Variants in PCDHGB2 observed in about 807,000 individuals in gnomAD.
PCDHGB2 encodes the protein protocadherin gamma-B2.
In PCDHGB2, 55 loss-of-function variants were observed where a neutral mutation model predicts 59.3. The ratio of observed to expected loss-of-function variants is 0.93; its 90% CI spans 0.75 to 1.16. PCDHGB2 has a LOEUF of 1.16. PCDHGB2 is among the 50% of genes most tolerant of loss of function. The pLI, the probability that PCDHGB2 is intolerant of heterozygous loss-of-function variation, is 0.00. For synonymous variants in PCDHGB2, 516 were observed against 512.0 expected, an observed-to-expected ratio of 1.01 and a Z score of -0.11; for missense variants, 1,228 against 1,198.5, an observed-to-expected ratio of 1.02 and a Z score of -0.36.
At chr5:141,399,311 A>C in intron 1 of PCDHGB2, 1 of 1,613,970 alleles carries the variant, frequency 6.2e-7, no homozygotes, top group Non-Finnish European at 8.5e-7. Context: ...TCTTCATCCA[A>C]AAATTCGTAT....
chr5:141,476,483 G>A lies in PCDHGB2; in HGVS notation c.2422-18324G>A. On this transcript the variant is annotated intron_variant, in intron 1 of 3. Coordinates refer to ENST00000522605, the MANE Select transcript of PCDHGB2 (RefSeq NM_018923.3). The surrounding 1 kb of genome is among the most constrained non-coding windows in gnomAD (Gnocchi z 7.6). The stretch of plus-strand genomic sequence containing the variant: ...CCCGCTGGAGCTGTTCAGCGTGGAA[G>A]TGGTGATCCAGGACATCAACGACAA... The A allele has an allele frequency of 3.1e-6, 5 of 1,614,166 alleles. No individual in the cohort carries two copies. Among genetic ancestry groups the A allele is most frequent in the Non-Finnish European group, 4.2e-6 (5 of 1,180,034 alleles).
intron 1 of PCDHGB2, chr5:141,428,598 C>T (rs2097150047): frequency 4.5e-6 from 1 of 224,296 alleles, no homozygotes; most frequent in African/African-American, 2.3e-5. Context: ...TAGCAAGCTT[C>T]ACTGAAGAGA....
rs752401867 is a variant in PCDHGB2, at chr5:141,511,224, G to A, written c.*51G>A. On this transcript the variant is annotated 3_prime_UTR_variant, in exon 4 of 4. Transcript: ENST00000522605. ...GGGCGGCCTCTCCCCAACCAGCCCA[G>A]CTTCTCCTTACCTGCACCCAGGCCT... 1.2e-6 allele frequency: 2 copies of A among 1,603,276 alleles called. No homozygotes were observed.
intron 1 of PCDHGB2, among the ~76,000 whole-genome samples, chr5:141,425,699 G>A (rs535043616): frequency 6.6e-6 from 1 of 152,260 alleles, no homozygotes; most frequent in Non-Finnish European, 1.5e-5. Context: ...ATTTCATAGT[G>A]GTCAAAATTT....
In PCDHGB2 at chr5:141,485,979, C is replaced by G; in HGVS notation, c.2422-8828C>G. 1 of 1,614,182 alleles carries G rather than the reference C, an allele frequency of 6.2e-7. No individual in the cohort carries two copies. Among genetic ancestry groups the G allele is most frequent in the Non-Finnish European group, 8.5e-7 (1 of 1,180,022 alleles). On this transcript the variant is annotated intron_variant, in intron 1 of 3. Coordinates refer to ENST00000522605, the MANE Select transcript of PCDHGB2 (RefSeq NM_018923.3). The surrounding 1 kb of genome is among the most constrained non-coding windows in gnomAD (Gnocchi z 5.7). ...CTCATCCAGCTCAATGCCTCAGACC[C>G]GGACCTGGGTCCCAGTGGTAACGTC...
Position 141,399,689 on chromosome 5 carries a change from T to C in PCDHGB2, c.2421+37133T>C, listed in dbSNP as rs199516491. 502 of 1,613,550 alleles carry C rather than the reference T, an allele frequency of 3.1e-4. 1 individual carries two copies. Among genetic ancestry groups the C allele is most frequent in the Non-Finnish European group, 3.8e-4 (448 of 1,179,874 alleles). On this transcript the variant is annotated intron_variant, in intron 1 of 3. Transcript: ENST00000522605. ...CAGCGCGCCTTTGACTACGAGCAGC[T>C]GCGCACCTTCGAACTCACACTACAG...
intron 1 of PCDHGB2, among the ~76,000 whole-genome samples, chr5:141,461,782 TAG>T (rs2099022757): frequency 6.6e-6 from 1 of 152,086 alleles, no homozygotes; most frequent in South Asian, 2.1e-4. Context: ...GCCTCCCAAG[TAG>T]CTGGGATTAC....
rs1366233043 is a variant in PCDHGB2, at chr5:141,362,537, C to T, written c.2402C>T (p.Ala801Val). ...CATGGAGCCGCTGGGGTCCCTTTTG[C>T]CTCAGATACTATTTTGAAGGTGAGC... is the stretch of plus-strand genomic sequence containing the variant. ...TNHGAAGVPF[A>V]SDTILKQAPP... The change falls in exon 1 of 4, where the codon GCC becomes GTC. Residue 801 changes from alanine (A) to valine (V), a missense_variant. Transcript: ENST00000522605. 6.2e-7 allele frequency: 1 copy of T among 1,613,822 alleles called. No homozygotes were observed.
rs758205179 is a variant in PCDHGB2 at position 141,477,813 on chromosome 5, A to G, written c.2422-16994A>G. ...ACTGATCGCAATGACAATGCCCCCC[A>G]GGTCCTATATCCTCGGCCAGGTGGG... On this transcript the variant is annotated intron_variant, in intron 1 of 3. Transcript: ENST00000522605. This position sits in a 1 kb window ranked among gnomAD's most constrained non-coding sequence, Gnocchi z 4.9. The G allele has an allele frequency of 8.1e-6, 13 of 1,614,002 alleles. No homozygotes were observed. The East Asian group carries it at 2.7e-4, about 33-fold the overall frequency.
At position 141,413,133 on chromosome 5, in the gene PCDHGB2, C is replaced by T. The variant is rs765215473; in HGVS notation, c.2421+50577C>T. The stretch of plus-strand genomic sequence containing the variant: ...CAAAGGAACCGGTTGAAACACACAA[C>T]GTGTCCAGTGAGGACTTTGCAGAAT... On this transcript the variant is annotated intron_variant, in intron 1 of 3. Transcript: ENST00000522605. 1.1e-5 allele frequency: 17 copies of T among 1,542,110 alleles called. No individual in the cohort carries two copies. In the East Asian group the frequency reaches 3.2e-4, roughly 29 times the overall value.
intron 1 of PCDHGB2, chr5:141,384,711 G>T (rs765373675): frequency 2.5e-6 from 4 of 1,614,160 alleles, no homozygotes; most frequent in Non-Finnish European, 3.4e-6. Flanking sequence ...ACGCCTGGCT[G>T]TCATACCTCC....
chr5:141,462,597 T>C (rs182073985), intron 1 of PCDHGB2, among the ~76,000 whole-genome samples: 1 of 152,320 alleles, frequency 6.6e-6, no homozygotes, highest in East Asian at 1.9e-4. Context: ...TTCCATTTCA[T>C]ATATTGTATT....
chr5:141,483,951 TTG>T (rs1298075162), intron 1 of PCDHGB2, among the ~76,000 whole-genome samples: 2 of 147,758 alleles, frequency 1.4e-5, no homozygotes, highest in Non-Finnish European at 3.0e-5. Flanking sequence ...GTGAATTGTG[TTG>T]TGTTTCTGTG....
chr5:141,388,144 G>A (rs1327741980), intron 1 of PCDHGB2: 2 of 1,458,202 alleles, frequency 1.4e-6, no homozygotes, highest in Non-Finnish European at 9.5e-7. Flanking sequence ...TTGCTTGTGA[G>A]CAGCAGGCTA....
chr5:141,414,752 ATG>A, intron 1 of PCDHGB2: 2 of 1,614,228 alleles, frequency 1.2e-6, no homozygotes, highest in Non-Finnish European at 1.7e-6. Context: ...TCCTTCGACT[ATG>A]AGCAGTTTCA....
rs1255512461 is a variant in PCDHGB2 at position 141,395,116 on chromosome 5, T to A, written c.2421+32560T>A. 1.2e-6 allele frequency: 2 copies of A among 1,614,098 alleles called. No homozygotes were observed. Among genetic ancestry groups the A allele is most frequent in the African/African-American group, 1.3e-5 (1 of 74,932 alleles). Reference sequence around the variant, plus strand: ...ACCGCCGACTCGCGGAAGAGTCACCTGATCTTTCCCCAGCCCAACTACGCA... The same window carrying A: ...ACCGCCGACTCGCGGAAGAGTCACCAGATCTTTCCCCAGCCCAACTACGCA... On this transcript the variant is annotated intron_variant, in intron 1 of 3. Coordinates refer to ENST00000522605, the MANE Select transcript of PCDHGB2 (RefSeq NM_018923.3).
intron 1 of PCDHGB2, chr5:141,399,391 G>C: frequency 2.5e-6 from 4 of 1,613,964 alleles, no homozygotes; most frequent in Non-Finnish European, 3.4e-6. Flanking sequence ...CACAGCCACA[G>C]ACAGGGGCAA....
Position 141,372,133 on chromosome 5 carries a change from G to A in PCDHGB2, c.2421+9577G>A, listed in dbSNP as rs576893125. Reference sequence around the variant, plus strand: ...TCTGCGCTCTTCGATATGGTGCCGCGCTCTGCAGAGCCTGGCTACCTGGTG... The same window carrying A: ...TCTGCGCTCTTCGATATGGTGCCGCACTCTGCAGAGCCTGGCTACCTGGTG... On this transcript the variant is annotated intron_variant, in intron 1 of 3. Coordinates refer to ENST00000522605, the MANE Select transcript of PCDHGB2 (RefSeq NM_018923.3). 1.4e-5 allele frequency: 23 copies of A among 1,613,666 alleles called. No individual in the cohort carries two copies. The East Asian group carries it at 5.1e-4, about 36-fold the overall frequency.
At chr5:141,484,863 G>T (rs561595169) in intron 1 of PCDHGB2, 136 of 273,782 alleles carry the variant, frequency 5.0e-4, no homozygotes, top group African/African-American at 2.8e-3. Context: ...GGGGGTGGGG[G>T]AGCGTGGAGG....
Sources: allele counts gnomAD v4.1 joint callset (sites outside exome capture counted in the v4.1 genomes callset), GRCh38; gene constraint gnomAD v4.1.1; non-coding constraint Gnocchi (gnomAD v3.1); transcripts MANE v1.5; gene names NCBI Gene and HGNC (gene_info 2026-07-23, HGNC 2026-07-21).